Variants in COL6A5 observed in about 807,000 individuals in gnomAD.
COL6A5 encodes the protein collagen alpha-5(VI) chain.
Under a neutral mutation model 65.6 loss-of-function variants are expected in COL6A5, and 48 were observed. The ratio of observed to expected loss-of-function variants is 0.73; its 90% CI spans 0.58 to 0.93. The LOEUF (loss-of-function observed/expected upper bound fraction) is 0.93, where lower values mean the gene tolerates loss of function less well. Ranked by LOEUF, COL6A5 falls within the 40% of genes least tolerant of loss-of-function variation. The probability of loss-of-function intolerance (pLI) is 0.00; values close to 1 mark genes in which losing one functional copy is unlikely to be tolerated. For synonymous variants in COL6A5, 291 were observed against 322.8 expected, an observed-to-expected ratio of 0.90 and a Z score of 1.05; for missense variants, 914 against 928.3, an observed-to-expected ratio of 0.98 and a Z score of 0.20.
intron 6 of COL6A5, among the ~76,000 whole-genome samples, chr3:130,390,096 A>G (rs1936340746): frequency 6.6e-6 from 1 of 152,312 alleles, no homozygotes; most frequent in East Asian, 1.9e-4. Flanking sequence ...CTTCCCCCAA[A>G]GATGGCAGTG....
intron 21 of COL6A5, among the ~76,000 whole-genome samples, 200 bp from the exon 22 acceptor site, chr3:130,413,869 G>C (rs1161918906): frequency 1.3e-5 from 2 of 151,764 alleles, no homozygotes; most frequent in African/African-American, 4.8e-5. Context: ...CTTCAAGAGA[G>C]AGAAATTCCT....
chr3:130,371,743 A>G (rs1419997592), intron 1 of COL6A5, among the ~76,000 whole-genome samples: 1 of 152,104 alleles, frequency 6.6e-6, no homozygotes, highest in East Asian at 1.9e-4. Flanking sequence ...CATACAAGTA[A>G]CTCTTCATGA....
At chr3:130,440,684 C>T (rs1709159700) in exon 3 of COL6A5, 6 of 1,613,538 alleles carry the variant, frequency 3.7e-6, no homozygotes, top group Non-Finnish European at 5.1e-6. Flanking sequence ...TGTGATTTCT[C>T]TGGGCTCTAC....
Position 130,413,600 on chromosome 3 carries a change from T to C in COL6A5, c.4698+20T>C. The C allele has an allele frequency of 1.3e-6, 2 of 1,546,780 alleles. No individual in the cohort carries two copies. The highest frequency in any genetic ancestry group is 1.8e-6 in the Non-Finnish European group (2 of 1,142,844). On this transcript the variant is annotated intron_variant and NMD_transcript_variant, in intron 21 of 41. Transcript: ENST00000312481. The stretch of plus-strand genomic sequence containing the variant: ...GTCTCAGTAAGTAACCTTGACTTCC[T>C]GTTCTCTGTGGTTGATGGGACCAAG...
intron 2 of COL6A5, among the ~76,000 whole-genome samples, chr3:130,375,025 G>C (rs1260925076): frequency 3.3e-5 from 5 of 152,168 alleles, no homozygotes; most frequent in African/African-American, 1.2e-4. Context: ...GAGTTACCTT[G>C]AAAGAGCCAG....
chr3:130,399,920 A>AT (rs542131194), intron 10 of COL6A5, among the ~76,000 whole-genome samples: 277 of 150,994 alleles, frequency 1.8e-3, no homozygotes, highest in African/African-American at 6.2e-3. Context: ...GCCTGGCTAA[A>AT]TTTTTTTTGT....
intron 1 of COL6A5, among the ~76,000 whole-genome samples, chr3:130,432,283 G>A (rs1018651395): frequency 3.9e-5 from 6 of 152,084 alleles, no homozygotes; most frequent in Admixed American, 6.5e-5. Flanking sequence ...GGCTGGGCGC[G>A]GTGGCTCATG....
At chr3:130,431,849 G>A (rs1937828454) in exon 1 of COL6A5, 1 of 1,551,660 alleles carries the variant, frequency 6.4e-7, no homozygotes, top group South Asian at 1.2e-5. Flanking sequence ...CAAACAGCCA[G>A]TAGGTCATCC....
At chr3:130,459,648 G>A (rs528112277) in intron 5 of COL6A5, among the ~76,000 whole-genome samples, 1 of 151,934 alleles carries the variant, frequency 6.6e-6, no homozygotes, top group African/African-American at 2.4e-5. Context: ...TTATGGAACT[G>A]GCAGACTCAC....
At chr3:130,449,001 GT>G (rs1709366653) in intron 4 of COL6A5, among the ~76,000 whole-genome samples, 1 of 152,154 alleles carries the variant, frequency 6.6e-6, no homozygotes, top group Admixed American at 6.6e-5. Flanking sequence ...CCTTAAATCG[GT>G]TACCATCCGC....
chr3:130,456,523 G>A (rs819083), intron 5 of COL6A5, among the ~76,000 whole-genome samples: 126,223 of 152,054 alleles, frequency 0.83, 54,010 homozygotes, highest in Non-Finnish European at 0.93. Context: ...GAGGTACCCC[G>A]TTCTCCATGA....
intron 6 of COL6A5, among the ~76,000 whole-genome samples, chr3:130,390,115 A>G (rs1274970194): frequency 6.6e-6 from 1 of 152,116 alleles, no homozygotes; most frequent in Non-Finnish European, 1.5e-5. Context: ...TGATTCCAAA[A>G]CTCTTGATAA....
At chr3:130,429,460 A>G (rs1306477623), upstream of COL6A5, 2 of 852,496 alleles carry the variant, frequency 2.3e-6, no homozygotes, top group South Asian at 1.9e-5. Flanking sequence ...AATTAGCCTC[A>G]TTTGCAGTTA....
chr3:130,407,798 G>A (rs1009050454), intron 17 of COL6A5, among the ~76,000 whole-genome samples: 2 of 152,162 alleles, frequency 1.3e-5, no homozygotes, highest in South Asian at 4.1e-4. Flanking sequence ...AAGTTTAATC[G>A]GAAATAATTA....
chr3:130,374,711 TCCAA>T (rs1935699868), intron 2 of COL6A5, among the ~76,000 whole-genome samples: 1 of 152,048 alleles, frequency 6.6e-6, no homozygotes, highest in Non-Finnish European at 1.5e-5. Flanking sequence ...ACCTTGGCCT[TCCAA>T]AGTGCTGGGA....
intron 1 of COL6A5, among the ~76,000 whole-genome samples, chr3:130,357,468 C>T (rs1424693295): frequency 1.3e-5 from 2 of 152,036 alleles, no homozygotes; most frequent in Non-Finnish European, 2.9e-5. Context: ...TTTATGAATC[C>T]AACATGATTG....
At chr3:130,395,507 A>G (rs1235435179) in intron 8 of COL6A5, 42 bp downstream of exon 8, 1 of 1,413,228 alleles carries the variant, frequency 7.1e-7, no homozygotes, top group Admixed American at 2.5e-5. Context: ...GAAACTTCTC[A>G]TTTCTCCATT....
rs558846666 is a variant in COL6A5, at chr3:130,397,963, C to T, written c.3909+40C>T. 2.2e-4 allele frequency: 346 copies of T among 1,543,720 alleles called. No individual in the cohort carries two copies. The South Asian group carries it at 3.8e-3, about 17-fold the overall frequency. On this transcript the variant is annotated intron_variant and NMD_transcript_variant, in intron 9 of 41. Transcript: ENST00000312481. ...TTCTATCTCCCATCTCCACATTCTC[C>T]CATTTGTTCTTCATTCCCCAATTAT...
chr3:130,393,161 T>G lies in COL6A5; in HGVS notation c.2992+1407T>G, dbSNP rs541221878. ...AATTTCCAAACTCCTGAGCTCTATC[T>G]AGCCCCTGCCCACCTCGCCAACCTC... On this transcript the variant is annotated intron_variant and NMD_transcript_variant, in intron 7 of 41. Transcript: ENST00000312481. 4.0e-4 allele frequency among the ~76,000 whole-genome samples: 60 copies of G among 151,758 alleles called. No homozygotes were observed. In the South Asian group the frequency reaches 9.4e-3, roughly 24 times the overall value.
Sources: allele counts gnomAD v4.1 joint callset (sites outside exome capture counted in the v4.1 genomes callset), GRCh38; gene constraint gnomAD v4.1.1; transcripts MANE v1.5; gene names NCBI Gene and HGNC (gene_info 2026-07-23, HGNC 2026-07-21).